AP3B1: variants seen among roughly 807,000 people sequenced by gnomAD.
AP3B1 encodes adaptor related protein complex 3 subunit beta 1, also known as AP-3 complex subunit beta-1.
A neutral mutation model predicts 132.5 loss-of-function variants in AP3B1; 61 were observed. That is an observed-to-expected ratio of 0.46 (90% CI 0.37 to 0.57). The LOEUF is 0.57. AP3B1 is among the 20% of genes least tolerant of loss of function. The pLI is 0.00. For synonymous variants in AP3B1, 388 were observed against 438.3 expected (o/e 0.89, Z 1.43); for missense variants, 1,120 against 1,289.4 (o/e 0.87, Z 2.01).
intron 22 of AP3B1, among the ~76,000 whole-genome samples, chr5:78,052,188 CAT>C (rs145837328): frequency 1.8e-3 from 280 of 152,138 alleles, no homozygotes; most frequent in African/African-American, 6.6e-3. Context: ...GATAATTTCT[CAT>C]ATTTTATTTT....
chr5:78,012,534 G>A (rs6862913), intron 26 of AP3B1, among the ~76,000 whole-genome samples: 85 of 152,324 alleles, frequency 5.6e-4, no homozygotes, highest in African/African-American at 1.9e-3. Context: ...TCATACTTTA[G>A]CTATAAAAGC....
At position 78,281,326 on chromosome 5, in the gene AP3B1, C is replaced by T. The variant is rs565599871; in HGVS notation, c.128+13126G>A. 8.1e-5 allele frequency among the ~76,000 whole-genome samples: 12 copies of T among 147,872 alleles called. No homozygotes were observed. The East Asian group carries it at 2.4e-3, about 30-fold the overall frequency. On this transcript the variant is annotated intron_variant, in intron 1 of 26. Coordinates refer to ENST00000255194, the MANE Select transcript of AP3B1 (RefSeq NM_003664.5). ...GTGCATACCTGTAATCCCAGCCACT[C>T]AAGAAGCTGAGGCAGGAGAATCGCT...
intron 20 of AP3B1, among the ~76,000 whole-genome samples, chr5:78,104,388 C>T (rs1751250258): frequency 6.6e-6 from 1 of 152,062 alleles, no homozygotes; most frequent in Admixed American, 6.6e-5. Context: ...AATAAGAAAG[C>T]CTGCTTAATG....
At chr5:78,193,784 C>G (rs1330319631) in intron 7 of AP3B1, among the ~76,000 whole-genome samples, 4 of 79,984 alleles carry the variant, frequency 5.0e-5, no homozygotes, top group Non-Finnish European at 1.0e-4. Context: ...TTTTTTTAGA[C>G]AGAGTCTCGC....
At chr5:78,012,841 T>C (rs981279908) in intron 26 of AP3B1, among the ~76,000 whole-genome samples, 15 of 152,254 alleles carry the variant, frequency 9.9e-5, no homozygotes, top group African/African-American at 3.6e-4. Context: ...TGTATTAGCA[T>C]GGACAATTGA....
chr5:78,294,359 C>T (rs1371505806), intron 1 of AP3B1, 93 bp downstream of exon 1: 3 of 1,593,098 alleles, frequency 1.9e-6, no homozygotes, highest in African/African-American at 2.7e-5. Flanking sequence ...TCAGGGCGAC[C>T]CCGCTCCTCT....
intron 26 of AP3B1, among the ~76,000 whole-genome samples, chr5:78,004,876 C>A (rs1746326463): frequency 6.6e-6 from 1 of 152,190 alleles, no homozygotes; most frequent in Non-Finnish European, 1.5e-5. Flanking sequence ...TCTTAACACA[C>A]ACATCCATCT....
At chr5:78,081,902 T>C (rs912167759) in intron 22 of AP3B1, among the ~76,000 whole-genome samples, 4 of 144,790 alleles carry the variant, frequency 2.8e-5, no homozygotes, top group Middle Eastern at 3.6e-3. Context: ...TTCTTTGCAA[T>C]AAAAAAAAAA....
chr5:78,271,377 C>A (rs1748539091), intron 1 of AP3B1, among the ~76,000 whole-genome samples: 1 of 152,118 alleles, frequency 6.6e-6, no homozygotes, highest in South Asian at 2.1e-4. Context: ...GCCGAGATGG[C>A]ACCATTGCAC....
At chr5:78,274,009 C>T (rs573722855) in intron 1 of AP3B1, among the ~76,000 whole-genome samples, 63 of 146,554 alleles carry the variant, frequency 4.3e-4, no homozygotes, top group Admixed American at 4.3e-3. Flanking sequence ...ATGAAATTAC[C>T]CCCGCCCAAA....
chr5:78,101,560 C>T (rs150956411), intron 20 of AP3B1, among the ~76,000 whole-genome samples: 366 of 152,124 alleles, frequency 2.4e-3, no homozygotes, highest in African/African-American at 8.6e-3. Flanking sequence ...CTATAAATGA[C>T]ATTCCCAGGC....
intron 1 of AP3B1, among the ~76,000 whole-genome samples, chr5:78,278,324 A>G (rs1748871814): frequency 6.6e-6 from 1 of 152,142 alleles, no homozygotes; most frequent in African/African-American, 2.4e-5. Flanking sequence ...AGTGAAATCA[A>G]TCAAATGCCC....
chr5:78,058,649 C>G (rs1040658053), intron 22 of AP3B1, among the ~76,000 whole-genome samples: 2 of 152,104 alleles, frequency 1.3e-5, no homozygotes, highest in Non-Finnish European at 2.9e-5. Flanking sequence ...CTGAAAATTT[C>G]AAATTTCTCT....
At chr5:78,290,215 G>C (rs1749453763) in intron 1 of AP3B1, among the ~76,000 whole-genome samples, 1 of 152,134 alleles carries the variant, frequency 6.6e-6, no homozygotes, top group Non-Finnish European at 1.5e-5. Context: ...CTTAAATCCA[G>C]GTCTTCTAAC....
rs1272939844 is a variant in AP3B1, at chr5:78,098,515, T to C, written c.2470+2438A>G. On this transcript the variant is annotated intron_variant, in intron 21 of 26. Coordinates refer to ENST00000255194, the MANE Select transcript of AP3B1 (RefSeq NM_003664.5). ...CCCTTTTAAATGTACTTTACTGTTA[T>C]TCTTTTACAATTTTAAACTTTGTAA... Among the ~76,000 whole-genome samples, 3 of 152,244 alleles carry C rather than the reference T, an allele frequency of 2.0e-5. No homozygotes were observed. In the East Asian group the frequency reaches 5.8e-4, roughly 29 times the overall value.
intron 22 of AP3B1, among the ~76,000 whole-genome samples, chr5:78,044,720 C>T (rs1210506954): frequency 1.3e-5 from 2 of 152,050 alleles, no homozygotes; most frequent in African/African-American, 2.4e-5. Context: ...AGCCATCAAG[C>T]CTTGGCAGAC....
At chr5:78,084,521 C>CAAAAAAAAAAAAAAAAAA (rs568637894) in intron 22 of AP3B1, among the ~76,000 whole-genome samples, 1 of 43,996 alleles carries the variant, frequency 2.3e-5, no homozygotes, top group African/African-American at 1.1e-4. Context: ...CAGACCCTGT[C>CAAAAAAAAAAAAAAAAAA]AAAAAAAAAA....
chr5:78,261,969 G>C (rs766321579), intron 2 of AP3B1, among the ~76,000 whole-genome samples: 1 of 151,300 alleles, frequency 6.6e-6, no homozygotes, highest in Non-Finnish European at 1.5e-5. Context: ...AGAGACCACC[G>C]TGTTGGCCAG....
At chr5:78,142,606 A>T (rs1753201522) in intron 14 of AP3B1, among the ~76,000 whole-genome samples, 1 of 150,690 alleles carries the variant, frequency 6.6e-6, no homozygotes, top group African/African-American at 2.5e-5. Context: ...AATCTTTCAA[A>T]ACACCCACAT....
Sources: allele counts gnomAD v4.1 joint callset (sites outside exome capture counted in the v4.1 genomes callset), GRCh38; gene constraint gnomAD v4.1.1; transcripts MANE v1.5; gene names NCBI Gene and HGNC (gene_info 2026-07-23, HGNC 2026-07-21).